Variants in METTL13 observed in about 807,000 individuals in gnomAD.
METTL13 encodes eEF1A lysine and N-terminal methyltransferase.
Under a neutral mutation model 67.4 loss-of-function variants are expected in METTL13, and 52 were observed. The observed-to-expected ratio is 0.77, with a 90% confidence interval of 0.62 to 0.97. METTL13 has a LOEUF of 0.97. Ranked by LOEUF, METTL13 falls within the 50% of genes least tolerant of loss-of-function variation. The pLI is 0.00. For synonymous variants in METTL13, 354 were observed against 353.6 expected, an observed-to-expected ratio of 1.00 and a Z score of -0.01; for missense variants, 825 against 889.6, an observed-to-expected ratio of 0.93 and a Z score of 0.92.
rs574266850 is a variant in METTL13 at position 171,787,014 on chromosome 1, G to A, written c.1114-721G>A. ...GTGGTTTTGCCCACTAGGCTGACTC[G>A]TGTTTACAGATGAATGTAAGTTTGA... On this transcript the variant is annotated intron_variant, in intron 3 of 7. Coordinates refer to ENST00000361735, the MANE Select transcript of METTL13 (RefSeq NM_015935.5). Among the ~76,000 whole-genome samples the A allele has an allele frequency of 4.6e-5, 7 of 152,122 alleles. No homozygotes were observed. The South Asian group carries it at 6.2e-4, about 14-fold the overall frequency.
intron 6 of METTL13, among the ~76,000 whole-genome samples, chr1:171,793,295 C>T (rs1444823502): frequency 6.6e-6 from 1 of 152,208 alleles, no homozygotes; most frequent in Non-Finnish European, 1.5e-5. Context: ...AGTTTAGGTG[C>T]CCAAGCCCAG....
rs199956905 is a variant in METTL13 at position 171,796,592 on chromosome 1, G to T, written c.1936G>T (p.Val646Leu). ...LLYVRRIEGEVNEILFCQLHP... is the reference protein window; with the variant it reads ...LLYVRRIEGELNEILFCQLHP... Reference sequence around the variant, plus strand: ...ATATGTCCGGCGAATTGAGGGTGAAGTGAATGAGATCCTGTTCTGTCAGCT... The same window carrying T: ...ATATGTCCGGCGAATTGAGGGTGAATTGAATGAGATCCTGTTCTGTCAGCT... The change falls in exon 8 of 8, where the codon GTG (valine) becomes TTG (leucine). Residue 646 changes from valine to leucine, a missense_variant. Transcript: ENST00000361735. The T allele has an allele frequency of 7.1e-5, 115 of 1,614,112 alleles. No individual in the cohort carries two copies. The highest frequency in any genetic ancestry group is 1.2e-4 in the Admixed American group (7 of 59,996).
intron 5 of METTL13, among the ~76,000 whole-genome samples, chr1:171,791,481 G>A (rs1443073447): frequency 6.6e-6 from 1 of 152,112 alleles, no homozygotes; most frequent in Non-Finnish European, 1.5e-5. Context: ...TTATAGTGAA[G>A]AAGTCTTTTT....
At chr1:171,785,612 C>T (rs373055686) in intron 2 of METTL13, among the ~76,000 whole-genome samples, 1 of 152,204 alleles carries the variant, frequency 6.6e-6, no homozygotes, top group South Asian at 2.1e-4. Flanking sequence ...TTTGTGTTGG[C>T]ATTACTGCTG....
intron 2 of METTL13, 51 bp downstream of exon 2, chr1:171,784,550 C>G: frequency 1.4e-6 from 2 of 1,415,264 alleles, no homozygotes; most frequent in Non-Finnish European, 9.3e-7. Flanking sequence ...CTTACAGGGG[C>G]TGGGGCTTGG....
intron 4 of METTL13, among the ~76,000 whole-genome samples, chr1:171,790,003 G>A (rs917208499): frequency 1.2e-4 from 18 of 152,202 alleles, no homozygotes; most frequent in Non-Finnish European, 2.5e-4. Context: ...TCTGCAGACT[G>A]TACAAGAAGC....
In METTL13 at chr1:171,781,982, TA is replaced by T. The variant is rs1387050624; in HGVS notation, c.19del (p.Ser7ValfsTer48). 3.1e-6 allele frequency: 5 copies of T among 1,614,158 alleles called. No individual in the cohort carries two copies. Among genetic ancestry groups the T allele is most frequent in the Non-Finnish European group, 4.2e-6 (5 of 1,180,030 alleles). On this transcript the variant is annotated frameshift_variant, in exon 1 of 8. Coordinates refer to ENST00000361735, the MANE Select transcript of METTL13 (RefSeq NM_015935.5). LOFTEE classifies it high-confidence loss of function. MNLLP[K>X]SSREFGSVDY... ...GCAGTAGGAACATGAACCTCTTACC[TA>T]AAAGTTCCAGGGAGTTTGGCTCCGT...
At chr1:171,789,852 G>C (rs1340097239) in intron 4 of METTL13, among the ~76,000 whole-genome samples, 1 of 149,394 alleles carries the variant, frequency 6.7e-6, no homozygotes, top group Admixed American at 6.6e-5. Context: ...GCGGGGTAGG[G>C]GGGGCACATC....
intron 4 of METTL13, among the ~76,000 whole-genome samples, chr1:171,788,823 C>T (rs1558131488): frequency 1.3e-5 from 2 of 152,204 alleles, no homozygotes; most frequent in African/African-American, 4.8e-5. Context: ...CAGTTGTTCC[C>T]TTTGCCTGAC....
chr1:171,797,536 A>G lies in METTL13; in HGVS notation c.*780A>G, dbSNP rs926170816. 3 of 152,230 alleles carry G rather than the reference A, an allele frequency of 2.0e-5. No homozygotes were observed. The highest frequency in any genetic ancestry group is 4.4e-5 in the Non-Finnish European group (3 of 68,042). The allele number at this position is 152,230 out of a possible 1,614,324, so 9.4% of individuals were successfully genotyped here. A position where few individuals can be genotyped will look rare whatever the true frequency, so the allele number is the denominator to read the frequency against. On this transcript the variant is annotated 3_prime_UTR_variant, in exon 8 of 8. Coordinates refer to ENST00000361735, the MANE Select transcript of METTL13 (RefSeq NM_015935.5). ...GTGAAAATGTTTAAGAATGACCAAA[A>G]ACATTAGTAATGAAAGTTAATGTGT... is the stretch of plus-strand genomic sequence containing the variant.
At position 171,787,896 on chromosome 1, in the gene METTL13, C is replaced by T. The variant is rs2232821; in HGVS notation, c.1275C>T (p.Ser425=). 0.011 allele frequency: 17,883 copies of T among 1,613,864 alleles called. 136 individuals are homozygous for T. Among genetic ancestry groups the T allele is most frequent in the Non-Finnish European group, 0.013 (15,102 of 1,179,972 alleles). ...IFLSNRNVVQ[S]EARLLKDVSH... ...TCAGCAACAGGAATGTGGTGCAGTC[C>T]GAAGCCAGGTTGCTGAAGGATGTGT... is the stretch of plus-strand genomic sequence containing the variant. Residue 425 remains serine (S), a synonymous_variant, in exon 4 of 8, where the codon TCC becomes TCT. Transcript: ENST00000361735.
At chr1:171,796,048 G>A (rs905628445) in intron 7 of METTL13, among the ~76,000 whole-genome samples, 2 of 151,996 alleles carry the variant, frequency 1.3e-5, no homozygotes, top group Admixed American at 1.3e-4. Context: ...TATATTTTTA[G>A]TAGAGCCGGG....
chr1:171,795,487 T>C (rs1373171824), intron 7 of METTL13, among the ~76,000 whole-genome samples: 4 of 152,226 alleles, frequency 2.6e-5, no homozygotes, highest in African/African-American at 9.6e-5. Context: ...ACCAGCATGG[T>C]GATGCTAGCT....
chr1:171,787,546 A>T (rs1013569843), intron 3 of METTL13, among the ~76,000 whole-genome samples, 189 bp from the exon 4 acceptor site: 1 of 152,216 alleles, frequency 6.6e-6, no homozygotes, highest in African/African-American at 2.4e-5. Flanking sequence ...TTTTCAAAAG[A>T]TGAATTAAAC....
In METTL13 at chr1:171,783,885, T is replaced by G; in HGVS notation, c.299T>G (p.Phe100Cys). Residue 100 changes from phenylalanine to cysteine, a missense_variant, in exon 2 of 8, where the codon TTC becomes TGC. Phe to Cys is a radical substitution (Grantham distance 205). Coordinates refer to ENST00000361735, the MANE Select transcript of METTL13 (RefSeq NM_015935.5). ...GCCACCCGACGGCCCCAGATGAGCT[T>G]CTTGAAGATGGACATGACGCAGATG... ...CNATRRPQMS[F>C]LKMDMTQMEF... 1 of 1,614,178 alleles carries G rather than the reference T, an allele frequency of 6.2e-7. No individual in the cohort carries two copies. Among genetic ancestry groups the G allele is most frequent in the Non-Finnish European group, 8.5e-7 (1 of 1,180,036 alleles).
chr1:171,790,772 A>T, intron 5 of METTL13, 156 bp downstream of exon 5: 1 of 772,252 alleles, frequency 1.3e-6, no homozygotes, highest in Non-Finnish European at 1.8e-6. Flanking sequence ...GAGCATTCTA[A>T]TTAACTGTTG....
intron 4 of METTL13, among the ~76,000 whole-genome samples, chr1:171,788,355 C>G (rs1008211685): frequency 2.6e-5 from 4 of 152,146 alleles, no homozygotes; most frequent in African/African-American, 9.7e-5. Flanking sequence ...TACCACTGTT[C>G]AGTAAAACTG....
rs1434355312 is a variant in METTL13 at position 171,790,615 on chromosome 1, A to G, written c.1473A>G (p.Leu491=). The G allele has an allele frequency of 1.3e-6, 2 of 1,534,286 alleles. No individual in the cohort carries two copies. The highest frequency in any genetic ancestry group is 2.5e-5 in the South Asian group (2 of 78,544). ...TGCTGAGAAACCCAGAGCTACTCCT[A>G]GGTGAGAGAGATGCCACTGCCTTCC... The part of the protein sequence containing the change: ...LALLRNPELL[L]EIPLALLVVG... Residue 491 remains leucine (L), a splice_region_variant and synonymous_variant, in exon 5 of 8, where the codon CTA becomes CTG. Coordinates refer to ENST00000361735, the MANE Select transcript of METTL13 (RefSeq NM_015935.5).
At chr1:171,783,523 C>T (rs1281290050) in intron 1 of METTL13, among the ~76,000 whole-genome samples, 1 of 152,160 alleles carries the variant, frequency 6.6e-6, no homozygotes, top group East Asian at 1.9e-4. Flanking sequence ...CTCATATAAC[C>T]TGTATTGTAG....
Sources: allele counts gnomAD v4.1 joint callset (sites outside exome capture counted in the v4.1 genomes callset), GRCh38; gene constraint gnomAD v4.1.1; transcripts MANE v1.5; gene names NCBI Gene and HGNC (gene_info 2026-07-23, HGNC 2026-07-21).